Variants in ARPP21 observed in about 807,000 individuals in gnomAD.
ARPP21 encodes cAMP regulated phosphoprotein 21.
In ARPP21, 69 loss-of-function variants were observed where a neutral mutation model predicts 113.2. The ratio of observed to expected loss-of-function variants is 0.61; its 90% confidence interval spans 0.50 to 0.74. The LOEUF (loss-of-function observed/expected upper bound fraction) is 0.74. Ranked by LOEUF, ARPP21 falls within the 30% of genes least tolerant of loss-of-function variation. ARPP21 has a pLI of 0.00. For missense variants in ARPP21, 1,070 were observed against 1,037.4 expected, an observed-to-expected ratio of 1.03 and a Z score of -0.43; for synonymous variants, 368 against 375.5, an observed-to-expected ratio of 0.98 and a Z score of 0.23.
chr3:35,792,215 T>TA (rs1033389790), intron 19 of ARPP21, 167 bp from the exon 20 acceptor site: 77 of 654,778 alleles, frequency 1.2e-4, no homozygotes, highest in African/African-American at 8.3e-4. Context: ...CTCTTAGAAG[T>TA]AAAAAAAAGA....
intron 14 of ARPP21, among the ~76,000 whole-genome samples, chr3:35,728,558 T>G (rs773782054): frequency 5.3e-5 from 8 of 151,876 alleles, no homozygotes; most frequent in Admixed American, 2.6e-4. Context: ...ATATCTAAAG[T>G]TTCAACTTTA....
chr3:35,778,513 G>T (rs2151672829), intron 19 of ARPP21, among the ~76,000 whole-genome samples: 1 of 152,176 alleles, frequency 6.6e-6, no homozygotes, highest in Admixed American at 6.5e-5. Flanking sequence ...CCTAACACTG[G>T]TTTCTCCCCT....
chr3:35,714,134 T>G (rs2091948433), intron 11 of ARPP21, among the ~76,000 whole-genome samples: 1 of 152,228 alleles, frequency 6.6e-6, no homozygotes, highest in Non-Finnish European at 1.5e-5. Flanking sequence ...CTGAAAAGCT[T>G]TATCTTTTAA....
chr3:35,722,847 G>C (rs999193820), intron 14 of ARPP21, among the ~76,000 whole-genome samples: 1 of 152,100 alleles, frequency 6.6e-6, no homozygotes, highest in Admixed American at 6.5e-5. Context: ...ATTCACTATT[G>C]TTTTTGATTA....
chr3:35,710,666 T>G (rs1413633191), intron 11 of ARPP21, among the ~76,000 whole-genome samples: 1 of 151,518 alleles, frequency 6.6e-6, no homozygotes, highest in Non-Finnish European at 1.5e-5. Flanking sequence ...AAATCACACA[T>G]AAAATGCACA....
intron 1 of ARPP21, among the ~76,000 whole-genome samples, chr3:35,669,048 C>T (rs189772025): frequency 6.6e-6 from 1 of 152,230 alleles, no homozygotes; most frequent in Admixed American, 6.5e-5. Context: ...CAGCCTTCAT[C>T]ATATTAATAC....
chr3:35,793,119 G>A (rs2096779565), intron 20 of ARPP21, among the ~76,000 whole-genome samples: 1 of 152,138 alleles, frequency 6.6e-6, no homozygotes, highest in Non-Finnish European at 1.5e-5. Context: ...AACTGTACCA[G>A]GTGCTTCTGA....
chr3:35,759,065 T>C (rs377488402), intron 19 of ARPP21, among the ~76,000 whole-genome samples: 1 of 152,188 alleles, frequency 6.6e-6, no homozygotes, highest in South Asian at 2.1e-4. Context: ...ATGTATTAAT[T>C]TGGCAGTACT....
chr3:35,657,332 T>A (rs78871028), intron 1 of ARPP21, among the ~76,000 whole-genome samples: 6 of 151,990 alleles, frequency 3.9e-5, no homozygotes, highest in African/African-American at 1.5e-4. Context: ...TAGCTATAAT[T>A]TTTAAAGACA....
intron 18 of ARPP21, among the ~76,000 whole-genome samples, chr3:35,741,419 C>T (rs1023825220): frequency 3.4e-4 from 52 of 152,086 alleles, no homozygotes; most frequent in African/African-American, 1.2e-3. Context: ...ATCTGATTAC[C>T]CAACTATGGA....
chr3:35,659,570 A>G (rs911085912), intron 1 of ARPP21, among the ~76,000 whole-genome samples: 6 of 152,160 alleles, frequency 3.9e-5, no homozygotes, highest in Non-Finnish European at 8.8e-5. Flanking sequence ...TGACTCTCAT[A>G]TCATTTCAAG....
chr3:35,780,264 C>T (rs777421523), intron 19 of ARPP21, among the ~76,000 whole-genome samples: 15 of 152,270 alleles, frequency 9.9e-5, no homozygotes, highest in African/African-American at 2.9e-4. Flanking sequence ...GCTAAGCAAA[C>T]ATGTTTAAGA....
chr3:35,727,261 C>A (rs1422386856), intron 14 of ARPP21, among the ~76,000 whole-genome samples: 1 of 152,092 alleles, frequency 6.6e-6, no homozygotes, highest in South Asian at 2.1e-4. Flanking sequence ...AATGTGGGGT[C>A]GTGATTAAAG....
rs2094523066 is a variant in ARPP21, at chr3:35,739,200, A to T, written c.1750-117A>T. 17 of 1,217,352 alleles carry T rather than the reference A, an allele frequency of 1.4e-5. No individual in the cohort carries two copies. The South Asian group carries it at 2.1e-4, about 15-fold the overall frequency. 75.4% of individuals were successfully genotyped at this position (1,217,352 alleles called of 1,614,324 possible). On this transcript the variant is annotated intron_variant, in intron 17 of 20. Transcript: ENST00000684406. ...AATTATTTTATTTTATTTTTTCCAA[A>T]TTGTACTTCCTGTCTCTCCCACAAC...
At chr3:35,644,255 AT>A (rs1699314247) in intron 1 of ARPP21, among the ~76,000 whole-genome samples, 1 of 151,832 alleles carries the variant, frequency 6.6e-6, no homozygotes, top group Non-Finnish European at 1.5e-5. Flanking sequence ...TAAATTGATT[AT>A]TTGTAGTGCC....
At chr3:35,719,521 G>A (rs769180560) in intron 13 of ARPP21, among the ~76,000 whole-genome samples, 2 of 152,158 alleles carry the variant, frequency 1.3e-5, no homozygotes, top group Non-Finnish European at 2.9e-5. Flanking sequence ...AGGGAGAAGG[G>A]TGTAGACTAC....
intron 14 of ARPP21, among the ~76,000 whole-genome samples, chr3:35,728,375 C>T (rs547833604): frequency 3.3e-5 from 5 of 151,632 alleles, no homozygotes; most frequent in Non-Finnish European, 5.9e-5. Context: ...CGTGCCACCA[C>T]GCCCAGCTAA....
chr3:35,659,658 T>C (rs1012908969), intron 1 of ARPP21, among the ~76,000 whole-genome samples: 2 of 152,072 alleles, frequency 1.3e-5, no homozygotes, highest in African/African-American at 4.8e-5. Context: ...GAACAGATCA[T>C]GAAAAGTGGG....
intron 1 of ARPP21, among the ~76,000 whole-genome samples, chr3:35,651,272 T>A (rs1702262896): frequency 6.6e-6 from 1 of 152,066 alleles, no homozygotes; most frequent in South Asian, 2.1e-4. Context: ...GAGAAATATA[T>A]ATTGCCTCTG....
Sources: allele counts gnomAD v4.1 joint callset (sites outside exome capture counted in the v4.1 genomes callset), GRCh38; gene constraint gnomAD v4.1.1; transcripts MANE v1.5; gene names NCBI Gene and HGNC (gene_info 2026-07-23, HGNC 2026-07-21).